The following ZNF33B variants were observed in gnomAD, a reference collection of about 807,000 sequenced individuals.
ZNF33B encodes the protein zinc finger protein 11b (KOX 2).
In ZNF33B, 29 loss-of-function variants were observed where a neutral mutation model predicts 45.8. The ratio of observed to expected loss-of-function variants is 0.63; its 90% CI spans 0.47 to 0.86. ZNF33B has a LOEUF of 0.86. Ranked by LOEUF, ZNF33B falls within the 40% of genes least tolerant of loss-of-function variation. ZNF33B has a pLI of 0.00. For synonymous variants in ZNF33B, 305 were observed against 307.8 expected (o/e 0.99, Z 0.10); for missense variants, 831 against 909.9 (o/e 0.91, Z 1.12).
intron 1 of ZNF33B, 125 bp downstream of exon 1, chr10:42,638,349 C>T (rs1839438799): frequency 6.4e-6 from 2 of 314,614 alleles, no homozygotes; most frequent in South Asian, 5.4e-5. Flanking sequence ...GCAGCCCCGC[C>T]GTCCCCGGCT....
intron 1 of ZNF33B, among the ~76,000 whole-genome samples, chr10:42,575,440 T>C (rs1210851128): frequency 1.3e-5 from 2 of 152,258 alleles, no homozygotes. Context: ...TTTGCACTAC[T>C]AGCTCCGAGA....
intron 4 of ZNF33B, among the ~76,000 whole-genome samples, chr10:42,607,257 GTAAA>G (rs1837900886): frequency 6.6e-6 from 1 of 151,858 alleles, no homozygotes; most frequent in Non-Finnish European, 1.5e-5. Flanking sequence ...CAACCACTAG[GTAAA>G]TAAATTTTCA....
At position 42,590,910 on chromosome 10, in the gene ZNF33B, T is replaced by A. The variant is rs1837094949; in HGVS notation, c.*1703A>T. 1 of 153,304 alleles carries A rather than the reference T, an allele frequency of 6.5e-6. No homozygotes were observed. The highest frequency in any genetic ancestry group is 2.1e-4 in the South Asian group (1 of 4,844). The allele number at this position is 153,304 out of a possible 1,614,324, so 9.5% of individuals were successfully genotyped here. On this transcript the variant is annotated 3_prime_UTR_variant, in exon 5 of 5. Coordinates refer to ENST00000359467, the MANE Select transcript of ZNF33B (RefSeq NM_006955.3). ...ATTTTCTCTTTTCAATTTCACTGAT[T>A]TTTACTCTAATTTTTTTCCAGGTTA...
intron 2 of ZNF33B, among the ~76,000 whole-genome samples, chr10:42,633,275 A>C (rs1409558069): frequency 6.6e-6 from 1 of 152,224 alleles, no homozygotes; most frequent in Non-Finnish European, 1.5e-5. Context: ...TGTGGAGTAC[A>C]TAGGAGAAGA....
chr10:42,630,686 C>T (rs143516124), intron 4 of ZNF33B, among the ~76,000 whole-genome samples: 43 of 152,312 alleles, frequency 2.8e-4, no homozygotes, highest in African/African-American at 1.0e-3. Context: ...ATAAGGAAAA[C>T]TACCACAGGA....
At chr10:42,612,509 T>A (rs1204330695) in intron 4 of ZNF33B, among the ~76,000 whole-genome samples, 1 of 152,168 alleles carries the variant, frequency 6.6e-6, no homozygotes, top group African/African-American at 2.4e-5. Flanking sequence ...GTGCTGGGAT[T>A]ACAGGCGTAA....
rs776175814 is a variant in ZNF33B, at chr10:42,593,916, G to A, written c.1034C>T (p.Thr345Ile). 3.7e-6 allele frequency: 6 copies of A among 1,613,946 alleles called. No homozygotes were observed. In the East Asian group the frequency reaches 6.7e-5, roughly 18 times the overall value. The change falls in exon 5 of 5, where the codon ACT (threonine) becomes ATT (isoleucine). Residue 345 changes from threonine (T) to isoleucine (I), a missense_variant. Transcript: ENST00000359467. The stretch of plus-strand genomic sequence containing the variant: ...TCCTGTGTGCACCCTCTGATGTCGA[G>A]TGAGATGTGACTTCTCCCAGAAAGC... ...GKAFWEKSHLTRHQRVHTGEK... is the reference protein window; with the variant it reads ...GKAFWEKSHLIRHQRVHTGEK...
intron 4 of ZNF33B, among the ~76,000 whole-genome samples, chr10:42,626,982 T>C (rs1838837465): frequency 6.6e-6 from 1 of 152,050 alleles, no homozygotes; most frequent in African/African-American, 2.4e-5. Context: ...GAAAAACTGC[T>C]ACATTTCTTC....
At chr10:42,631,574 A>G (rs1839055044) in intron 4 of ZNF33B, among the ~76,000 whole-genome samples, 1 of 152,224 alleles carries the variant, frequency 6.6e-6, no homozygotes, top group African/African-American at 2.4e-5. Flanking sequence ...AAATGAGTGA[A>G]TAAAAAATTC....
chr10:42,618,246 G>C (rs1838414030), intron 4 of ZNF33B, among the ~76,000 whole-genome samples: 1 of 152,102 alleles, frequency 6.6e-6, no homozygotes, highest in Non-Finnish European at 1.5e-5. Context: ...TTAATCTCTT[G>C]AGATTCATCC....
At chr10:42,608,574 C>T (rs1398905021) in intron 4 of ZNF33B, among the ~76,000 whole-genome samples, 1 of 151,548 alleles carries the variant, frequency 6.6e-6, no homozygotes, top group Non-Finnish European at 1.5e-5. Context: ...AATAAGAAGG[C>T]AAATTAGAAA....
chr10:42,599,461 TAC>T (rs1304406061), intron 4 of ZNF33B, among the ~76,000 whole-genome samples: 22 of 526 alleles, frequency 0.042, no homozygotes, highest in African/African-American at 0.15. Context: ...ATTACATATA[TAC>T]ATATGTATAT....
intron 2 of ZNF33B, among the ~76,000 whole-genome samples, chr10:42,635,773 G>C (rs907948294): frequency 6.8e-6 from 1 of 147,542 alleles, no homozygotes; most frequent in African/African-American, 2.5e-5. Flanking sequence ...TTGCATCACT[G>C]TGCTACAGCC....
rs1410353673 is a variant in ZNF33B, at chr10:42,593,652, C to T, written c.1298G>A (p.Arg433Lys). Reference sequence around the variant, plus strand: ...ATAGGGTTTCTGCCCTGTGTGTGTTCTCTGATGTTTAGTGAGGTCAGATTT... The same window carrying T: ...ATAGGGTTTCTGCCCTGTGTGTGTTTTCTGATGTTTAGTGAGGTCAGATTT... ...YQKSDLTKHQ[R>K]THTGQKPYEC... Residue 433 changes from arginine to lysine, a missense_variant, in exon 5 of 5, where the codon AGA (arginine) becomes AAA (lysine). Arg to Lys is a conservative substitution (Grantham distance 26). Coordinates refer to ENST00000359467, the MANE Select transcript of ZNF33B (RefSeq NM_006955.3). 1 of 1,613,996 alleles carries T rather than the reference C, an allele frequency of 6.2e-7. No homozygotes were observed. The highest frequency in any genetic ancestry group is 8.5e-7 in the Non-Finnish European group (1 of 1,179,976).
At chr10:42,601,954 ATCACCCAGGCTGCAGTGCAGAGGTG>A (rs1456869745) in intron 4 of ZNF33B, among the ~76,000 whole-genome samples, 8 of 122,686 alleles carry the variant, frequency 6.5e-5, no homozygotes, top group African/African-American at 2.2e-4. Flanking sequence ...GTCTCACTCC[ATCACCCAGGCTGCAGTGCAGAGGTG>A]CAATCTTGGC....
Position 42,635,394 on chromosome 10 carries a change from G to A in ZNF33B, c.9+1526C>T, listed in dbSNP as rs1274620892. On this transcript the variant is annotated intron_variant, in intron 2 of 4. Transcript: ENST00000359467. Reference sequence around the variant, plus strand: ...GTCAGGATTGTGAGGGGGACAAGACGGCAGCTGCAGGAGGGCTGGCAATGT... The same window carrying A: ...GTCAGGATTGTGAGGGGGACAAGACAGCAGCTGCAGGAGGGCTGGCAATGT... 5.3e-5 allele frequency among the ~76,000 whole-genome samples: 8 copies of A among 152,052 alleles called. No homozygotes were observed. The South Asian group carries it at 6.2e-4, about 12-fold the overall frequency.
At chr10:42,604,175 T>C (rs1837744222) in intron 4 of ZNF33B, among the ~76,000 whole-genome samples, 1 of 152,236 alleles carries the variant, frequency 6.6e-6, no homozygotes, top group African/African-American at 2.4e-5. Context: ...CCAGGTGCAG[T>C]GGCTCACGCC....
At chr10:42,609,521 A>C (rs1162173354) in intron 4 of ZNF33B, among the ~76,000 whole-genome samples, 1 of 152,196 alleles carries the variant, frequency 6.6e-6, no homozygotes, top group African/African-American at 2.4e-5. Flanking sequence ...TTTAAAAAGA[A>C]GTATCAATTA....
At chr10:42,602,176 C>G (rs11239695) in intron 4 of ZNF33B, among the ~76,000 whole-genome samples, 10,940 of 152,122 alleles carry the variant, frequency 0.072, 749 homozygotes, top group African/African-American at 0.17. Context: ...ATCCACCTGC[C>G]TTGGCCTCCC....
Sources: gnomAD v4.1 joint callset for allele counts (sites outside exome capture counted in the v4.1 genomes callset) on GRCh38, gnomAD v4.1.1 for gene constraint, MANE v1.5 for transcripts, NCBI Gene and HGNC (gene_info 2026-07-23, HGNC 2026-07-21) for gene names.